The following NUP188 variants were observed in gnomAD, a reference collection of about 807,000 sequenced individuals.
The protein encoded by NUP188 is nucleoporin 188.
In NUP188, 97 loss-of-function variants were observed where a neutral mutation model predicts 223.0. The observed-to-expected ratio is 0.43, with a 90% CI of 0.37 to 0.51. The LOEUF (loss-of-function observed/expected upper bound fraction) is 0.51. Among genes scored for constraint, NUP188 ranks in the 20% least tolerant of loss-of-function variants. The pLI is 0.00. For missense variants in NUP188, 1,947 were observed against 2,175.6 expected, an observed-to-expected ratio of 0.89 and a Z score of 2.09; for synonymous variants, 869 against 828.0, an observed-to-expected ratio of 1.05 and a Z score of -0.85.
At chr9:128,980,513 A>AGG in intron 13 of NUP188, 93 bp from the exon 14 acceptor site, 2 of 1,315,256 alleles carry the variant, frequency 1.5e-6, no homozygotes, top group Admixed American at 2.0e-5. Flanking sequence ...AGGAAGGATT[A>AGG]ATTCTAAATT....
At chr9:128,991,850 T>G (rs932420850) in intron 25 of NUP188, among the ~76,000 whole-genome samples, 4 of 150,978 alleles carry the variant, frequency 2.6e-5, no homozygotes, top group African/African-American at 9.7e-5. Flanking sequence ...AAAAAAAGTA[T>G]TTGAGTGTGT....
In NUP188 at chr9:129,001,721, A is replaced by G. The variant is rs142077810; in HGVS notation, c.4036A>G (p.Thr1346Ala). 8.0e-4 allele frequency: 1,289 copies of G among 1,613,348 alleles called. 9 individuals are homozygous for G. Among genetic ancestry groups the G allele is most frequent in the Admixed American group, 6.5e-4 (39 of 59,936 alleles). The change falls in exon 35 of 44, where the codon ACT becomes GCT. Residue 1346 changes from threonine to alanine, a missense_variant. Around this residue, in one of 3 missense-constraint regions of NUP188, gnomAD observed 905 missense variants for 990.6 expected, o/e 0.91. Coordinates refer to ENST00000372577, the MANE Select transcript of NUP188 (RefSeq NM_015354.3). ...TLHLLLTLAR[T>A]QQGATAVAGA... ...GCATCTGCTCCTCACCCTGGCTCGC[A>G]CTCAGCAGGTAGGAGGCCAGCCCGA...
intron 14 of NUP188, 66 bp downstream of exon 14, chr9:128,980,791 T>G: frequency 6.4e-7 from 1 of 1,552,886 alleles, no homozygotes; most frequent in Non-Finnish European, 8.8e-7. Context: ...ATTAGGAATC[T>G]TTTTTGCTTT....
At chr9:128,958,532 AT>A (rs1388032767) in intron 6 of NUP188, among the ~76,000 whole-genome samples, 3 of 152,214 alleles carry the variant, frequency 2.0e-5, no homozygotes, top group African/African-American at 7.2e-5. Flanking sequence ...TGTGTGCTAC[AT>A]GAATGCTCTG....
At position 128,999,619 on chromosome 9, in the gene NUP188, T is replaced by A. The variant is rs1054218002; in HGVS notation, c.3662-5T>A. 2 of 1,613,248 alleles carry A rather than the reference T, an allele frequency of 1.2e-6. No homozygotes were observed. Among genetic ancestry groups the A allele is most frequent in the East Asian group, 2.2e-5 (1 of 44,882 alleles). On this transcript the variant is annotated splice_region_variant and splice_polypyrimidine_tract_variant and intron_variant, in intron 33 of 43. Coordinates refer to ENST00000372577, the MANE Select transcript of NUP188 (RefSeq NM_015354.3). ...TGACAGTGTCCCTCCCTGTCTATTC[T>A]ACAGTAAGTGACATCCCCCAGTACT...
At chr9:128,977,428 G>A (rs1842191558) in intron 12 of NUP188, among the ~76,000 whole-genome samples, 2 of 152,030 alleles carry the variant, frequency 1.3e-5, no homozygotes, top group South Asian at 4.1e-4. Flanking sequence ...CAGGTACTTG[G>A]ATTTTAAAGA....
chr9:128,994,479 T>G (rs1490589464), intron 28 of NUP188, 37 bp downstream of exon 28: 1 of 1,448,870 alleles, frequency 6.9e-7, no homozygotes, highest in African/African-American at 1.4e-5. Flanking sequence ...TGGCTACAAG[T>G]CCCTTGGAGG....
intron 27 of NUP188, 141 bp downstream of exon 27, chr9:128,993,835 C>G (rs1842472374): frequency 1.4e-6 from 1 of 703,574 alleles, no homozygotes; most frequent in Non-Finnish European, 2.4e-6. Flanking sequence ...GAGTTTTACA[C>G]TAATTCTCTT....
At chr9:128,976,260 C>G (rs999304905) in intron 12 of NUP188, among the ~76,000 whole-genome samples, 2 of 152,188 alleles carry the variant, frequency 1.3e-5, no homozygotes, top group Non-Finnish European at 2.9e-5. Flanking sequence ...ATCCTGAAAA[C>G]TAAATCACTC....
chr9:128,993,841 C>G, intron 27 of NUP188, 147 bp downstream of exon 27: 1 of 691,520 alleles, frequency 1.4e-6, no homozygotes, highest in East Asian at 2.7e-5. Flanking sequence ...TACACTAATT[C>G]TCTTTCTAAT....
At chr9:129,000,602 G>A (rs1406839354) in intron 34 of NUP188, among the ~76,000 whole-genome samples, 2 of 152,034 alleles carry the variant, frequency 1.3e-5, no homozygotes, top group South Asian at 2.1e-4. Flanking sequence ...ACAGGCGTGA[G>A]CCACCACGCC....
chr9:128,981,264 G>C lies in NUP188; in HGVS notation c.1390G>C (p.Val464Leu), dbSNP rs778202401. The change falls in exon 15 of 44, where the codon GTG becomes CTG. Residue 464 changes from valine (V) to leucine (L), a missense_variant and splice_region_variant. Val to Leu is a conservative substitution (Grantham distance 32). Around this residue, in one of 3 missense-constraint regions of NUP188, gnomAD observed 817 missense variants for 865.8 expected, o/e 0.94. Coordinates refer to ENST00000372577, the MANE Select transcript of NUP188 (RefSeq NM_015354.3). ...GTGATGGTTTTTTCTGTTTTGGCAG[G>C]TGTATAGCTTCTTGGATAAGATGTC... ...LVSGKSTAKK[V>L]YSFLDKMSFY... The C allele has an allele frequency of 1.1e-5, 17 of 1,613,352 alleles. No individual in the cohort carries two copies. Among genetic ancestry groups the C allele is most frequent in the Middle Eastern group, 3.3e-4 (2 of 6,074 alleles).
At chr9:128,989,364 T>C (rs1252633798) in intron 24 of NUP188, among the ~76,000 whole-genome samples, 1 of 152,032 alleles carries the variant, frequency 6.6e-6, no homozygotes, top group Non-Finnish European at 1.5e-5. Context: ...ATTTTGCCAC[T>C]GCACTCCAGC....
chr9:128,966,664 T>C (rs140270069), intron 8 of NUP188, among the ~76,000 whole-genome samples: 74 of 152,328 alleles, frequency 4.9e-4, no homozygotes, highest in African/African-American at 1.5e-3. Context: ...TCAATGTTTT[T>C]ATTTGATTCT....
chr9:128,998,898 C>A, intron 32 of NUP188, among the ~76,000 whole-genome samples: 1 of 150,606 alleles, frequency 6.6e-6, no homozygotes, highest in African/African-American at 2.4e-5. Flanking sequence ...ACTCTGTCGC[C>A]CAGGCTGGAG....
chr9:128,993,491 G>A (rs923072636), intron 26 of NUP188, 34 bp from the exon 27 acceptor site: 1 of 1,613,104 alleles, frequency 6.2e-7, no homozygotes, highest in Non-Finnish European at 8.5e-7. Flanking sequence ...GGCAGTGGCT[G>A]TGGAACTGAA....
chr9:128,975,373 G>C (rs1842161867), intron 12 of NUP188, among the ~76,000 whole-genome samples: 1 of 151,498 alleles, frequency 6.6e-6, no homozygotes, highest in African/African-American at 2.4e-5. Flanking sequence ...ACAGGCGCCT[G>C]CCACCATGCC....
chr9:128,959,285 G>A lies in NUP188; in HGVS notation c.585+151G>A, dbSNP rs531582557. The A allele has an allele frequency of 7.7e-6, 4 of 518,392 alleles. No individual in the cohort carries two copies. The African/African-American group carries it at 8.0e-5, about 10-fold the overall frequency. 32.1% of individuals were successfully genotyped at this position (518,392 alleles called of 1,614,324 possible). On this transcript the variant is annotated intron_variant, in intron 8 of 43. Transcript: ENST00000372577. ...ATTCTCCTACCTCAGTGGATTACAGGCACCCGTCGTCACGCCCAGCCAATT... is the reference window on the plus strand; with the variant it reads ...ATTCTCCTACCTCAGTGGATTACAGACACCCGTCGTCACGCCCAGCCAATT...
intron 34 of NUP188, among the ~76,000 whole-genome samples, chr9:129,001,313 G>A (rs191939196): frequency 6.6e-6 from 1 of 152,202 alleles, no homozygotes; most frequent in East Asian, 1.9e-4. Flanking sequence ...TCAGTTTAGG[G>A]TTGCTCATTA....
Sources: gnomAD v4.1 joint callset for allele counts (sites outside exome capture counted in the v4.1 genomes callset) on GRCh38, gnomAD v4.1.1 for gene constraint, gnomAD v4.1.1 regional missense constraint, MANE v1.5 for transcripts, NCBI Gene and HGNC (gene_info 2026-07-23, HGNC 2026-07-21) for gene names.